The following SHROOM3 variants were observed in gnomAD, a reference collection of about 807,000 sequenced individuals.
The protein encoded by SHROOM3 is shroom family member 3.
SHROOM3 carries 47 observed loss-of-function variants against 138.6 expected under a neutral mutation model. That is an observed-to-expected ratio of 0.34 (90% CI 0.27 to 0.43). The LOEUF (loss-of-function observed/expected upper bound fraction) is 0.43, where lower values mean the gene tolerates loss of function less well. SHROOM3 is among the 20% of genes least tolerant of loss of function. The pLI is 1.00. For synonymous variants in SHROOM3, 1,062 were observed against 1,063.3 expected, an observed-to-expected ratio of 1.00 and a Z score of 0.02; for missense variants, 2,491 against 2,596.5, an observed-to-expected ratio of 0.96 and a Z score of 0.88.
chr4:76,663,808 C>T (rs1054159040), intron 2 of SHROOM3, among the ~76,000 whole-genome samples: 7 of 152,196 alleles, frequency 4.6e-5, no homozygotes, highest in African/African-American at 1.7e-4. Flanking sequence ...AGTGGACCCA[C>T]TTTCTGCAGT....
intron 2 of SHROOM3, among the ~76,000 whole-genome samples, chr4:76,632,218 G>GCCGGAGAGAGAGAA (rs1200163288): frequency 1.3e-5 from 2 of 152,028 alleles, no homozygotes; most frequent in African/African-American, 4.8e-5. Flanking sequence ...GAGAGAGAGA[G>GCCGGAGAGAGAGAA]CCAGAGAGAG....
rs1394223862 is a variant in SHROOM3, at chr4:76,739,854, T to G, written c.1681T>G (p.Ser561Ala). 6.2e-7 allele frequency: 1 copy of G among 1,614,218 alleles called. No individual in the cohort carries two copies. The highest frequency in any genetic ancestry group is 8.5e-7 in the Non-Finnish European group (1 of 1,180,038). ...TGTCCCCTCCAAAGTCCATTTCTGT[T>G]CAGTGCCTGAAAATGAGGAGGATGC... ...KYVPSKVHFCSVPENEEDASL... is the reference protein window; with the variant it reads ...KYVPSKVHFCAVPENEEDASL... Residue 561 changes from serine to alanine, a missense_variant, in exon 5 of 11, where the codon TCA becomes GCA. Physicochemically the swap from Ser to Ala is moderately conservative, Grantham distance 99 (BLOSUM62 1). Transcript: ENST00000296043.
At chr4:76,742,840 A>G (rs941268729) in intron 5 of SHROOM3, among the ~76,000 whole-genome samples, 5 of 151,610 alleles carry the variant, frequency 3.3e-5, no homozygotes, top group African/African-American at 1.2e-4. Flanking sequence ...ACTCCGCTCC[A>G]CTCTCCCCTC....
chr4:76,601,782 C>T (rs187985298), intron 2 of SHROOM3, among the ~76,000 whole-genome samples: 2 of 152,324 alleles, frequency 1.3e-5, no homozygotes, highest in African/African-American at 4.8e-5. Context: ...GCTGGGATTA[C>T]AGGTGTGAGC....
chr4:76,592,895 A>G (rs1424367758), intron 2 of SHROOM3, among the ~76,000 whole-genome samples: 1 of 152,190 alleles, frequency 6.6e-6, no homozygotes, highest in African/African-American at 2.4e-5. Context: ...TCTTCTCCCC[A>G]CAGTCCAGAA....
At chr4:76,527,157 G>A (rs889922523) in intron 1 of SHROOM3, among the ~76,000 whole-genome samples, 4 of 152,140 alleles carry the variant, frequency 2.6e-5, no homozygotes, top group Non-Finnish European at 4.4e-5. Flanking sequence ...GAGGTCACTA[G>A]AAGAGTGACA....
intron 9 of SHROOM3, among the ~76,000 whole-genome samples, chr4:76,764,309 C>T (rs1373206096): frequency 6.6e-6 from 1 of 152,232 alleles, no homozygotes; most frequent in African/African-American, 2.4e-5. Flanking sequence ...AAGCAAAATT[C>T]TACTTAAACC....
chr4:76,770,584 C>T (rs755451230), intron 9 of SHROOM3, 42 bp from the exon 10 acceptor site: 7 of 1,610,340 alleles, frequency 4.3e-6, no homozygotes, highest in Non-Finnish European at 5.9e-6. Context: ...TCCACTGGCA[C>T]CTCCTGTTGG....
At chr4:76,586,544 G>A (rs1472651401) in intron 2 of SHROOM3, 1 of 926,680 alleles carries the variant, frequency 1.1e-6, no homozygotes, top group Non-Finnish European at 1.3e-6. Context: ...GCCAGCATTG[G>A]GAAGGTAAAC....
intron 4 of SHROOM3, among the ~76,000 whole-genome samples, chr4:76,737,926 G>GTGCCA (rs11283219): frequency 0.55 from 83,510 of 151,362 alleles, 23,534 homozygotes; most frequent in Middle Eastern, 0.64. Flanking sequence ...GGAGTTTACA[G>GTGCCA]TGATTGATAG....
chr4:76,715,117 A>G (rs1369694542), intron 3 of SHROOM3, among the ~76,000 whole-genome samples: 2 of 152,084 alleles, frequency 1.3e-5, no homozygotes, highest in Non-Finnish European at 2.9e-5. Flanking sequence ...AGAGGCCTAT[A>G]CTGATTTTGG....
Position 76,748,997 on chromosome 4 carries a change from T to C in SHROOM3, c.3754-20T>C. 6.2e-7 allele frequency: 1 copy of C among 1,612,990 alleles called. No homozygotes were observed. The highest frequency in any genetic ancestry group is 8.5e-7 in the Non-Finnish European group (1 of 1,179,004). On this transcript the variant is annotated intron_variant, in intron 5 of 10. Transcript: ENST00000296043. Reference sequence around the variant, plus strand: ...CACCCGTTTATTGGCAGTAATGCTGTGCCTTTCTTGTGTTTCAAGGATGTG... The same window carrying C: ...CACCCGTTTATTGGCAGTAATGCTGCGCCTTTCTTGTGTTTCAAGGATGTG...
At chr4:76,472,852 G>A (rs1349902842) in intron 1 of SHROOM3, among the ~76,000 whole-genome samples, 3 of 152,112 alleles carry the variant, frequency 2.0e-5, no homozygotes, top group Non-Finnish European at 4.4e-5. Context: ...GTGCCGCCAT[G>A]TCCAGCTAAT....
In SHROOM3 at chr4:76,769,110, T is replaced by G. The variant is rs549933311; in HGVS notation, c.5350-1516T>G. Among the ~76,000 whole-genome samples, 16 of 151,812 alleles carry G rather than the reference T, an allele frequency of 1.1e-4. No homozygotes were observed. In the East Asian group the frequency reaches 2.9e-3, roughly 27 times the overall value. ...GGTCAAAAATATGTTTTTCCTTTTT[T>G]TGTGTGTGTGTTTTTTTTTTCCTTT... On this transcript the variant is annotated intron_variant, in intron 9 of 10. Transcript: ENST00000296043.
intron 2 of SHROOM3, among the ~76,000 whole-genome samples, chr4:76,694,735 T>A (rs1719670334): frequency 6.6e-6 from 1 of 152,238 alleles, no homozygotes; most frequent in African/African-American, 2.4e-5. Context: ...ACAGAATACA[T>A]GTAAATATAA....
chr4:76,617,412 A>G (rs529556705), intron 2 of SHROOM3, among the ~76,000 whole-genome samples: 1 of 152,292 alleles, frequency 6.6e-6, no homozygotes, highest in South Asian at 2.1e-4. Flanking sequence ...CATAATAACC[A>G]TGTTGGTGTT....
In SHROOM3 at chr4:76,740,512, C is replaced by T. The variant is rs557949987; in HGVS notation, c.2339C>T (p.Ser780Leu). 23 of 1,613,858 alleles carry T rather than the reference C, an allele frequency of 1.4e-5. No homozygotes were observed. In the Admixed American group the frequency reaches 2.3e-4, roughly 16 times the overall value. ...QGFQYGKPHC[S>L]VLEKVSKFEQ... ...TTTCAGTACGGGAAGCCCCACTGCT[C>T]GGTGCTGGAGAAGGTCTCCAAATTC... Residue 780 changes from serine to leucine, a missense_variant, in exon 5 of 11, where the codon TCG becomes TTG. By Grantham distance (145) the Ser-to-Leu change is moderately radical (BLOSUM62 -2). Coordinates refer to ENST00000296043, the MANE Select transcript of SHROOM3 (RefSeq NM_020859.4). The surrounding 1 kb of genome is among the most constrained non-coding windows in gnomAD (Gnocchi z 4.0).
intron 2 of SHROOM3, among the ~76,000 whole-genome samples, chr4:76,667,269 A>C (rs1434986585): frequency 6.6e-6 from 1 of 152,188 alleles, no homozygotes; most frequent in Non-Finnish European, 1.5e-5. Context: ...CTGTACACTT[A>C]CATGTGGTTA....
intron 9 of SHROOM3, among the ~76,000 whole-genome samples, chr4:76,762,013 G>C (rs1249611448): frequency 6.6e-6 from 1 of 152,150 alleles, no homozygotes; most frequent in African/African-American, 2.4e-5. Context: ...TCGAGTCTAT[G>C]GCCTTGCTAT....
Sources: gnomAD v4.1 joint callset for allele counts (sites outside exome capture counted in the v4.1 genomes callset) on GRCh38, gnomAD v4.1.1 for gene constraint, Gnocchi (gnomAD v3.1) non-coding constraint, MANE v1.5 for transcripts, NCBI Gene and HGNC (gene_info 2026-07-23, HGNC 2026-07-21) for gene names.